Variants in SYNE2 observed in about 807,000 individuals in gnomAD.
SYNE2 encodes the protein nesprin-2.
In SYNE2, 431 loss-of-function variants were observed where a neutral mutation model predicts 856.3. The observed-to-expected ratio is 0.50, with a 90% CI of 0.47 to 0.55. The LOEUF (loss-of-function observed/expected upper bound fraction) is 0.55. Among genes scored for constraint, SYNE2 ranks in the 20% least tolerant of loss-of-function variants. The pLI, the probability that SYNE2 is intolerant of heterozygous loss-of-function variation, is 0.00. For synonymous variants in SYNE2, 2,923 were observed against 2,872.3 expected (o/e 1.02, Z -0.56); for missense variants, 8,129 against 8,023.2 (o/e 1.01, Z -0.50).
At position 63,784,395 on chromosome 14, in the gene SYNE2, G is replaced by A. The variant is rs188561543; in HGVS notation, c.-305+22409G>A. ...GCCTGTAGTCCCAGCTGGTCGGGAG[G>A]CTGAGGCAGGAAAATCTCTTGAACC... On this transcript the variant is annotated intron_variant, in intron 1 of 23. Transcript: ENST00000674003. Among the ~76,000 whole-genome samples, 280 of 152,202 alleles carry A rather than the reference G, an allele frequency of 1.8e-3. 2 individuals carry two copies. Among genetic ancestry groups the A allele is most frequent in the South Asian group, 0.011 (51 of 4,812 alleles).
chr14:63,824,018 T>TA lies in SYNE2; in HGVS notation c.-304-28477dup, dbSNP rs1320992773. Among the ~76,000 whole-genome samples, 7 of 152,230 alleles carry TA rather than the reference T, an allele frequency of 4.6e-5. No individual in the cohort carries two copies. In the South Asian group the frequency reaches 1.2e-3, roughly 27 times the overall value. ...TGCTAGCACAACAGGGTGATTATGG[T>TA]AAAAAATTAATTTAATTGTCCATTT... is the stretch of plus-strand genomic sequence containing the variant. On this transcript the variant is annotated intron_variant, in intron 1 of 23. Transcript: ENST00000674003.
chr14:63,995,697 G>A (rs1322131912), intron 23 of SYNE2, among the ~76,000 whole-genome samples: 1 of 151,326 alleles, frequency 6.6e-6, no homozygotes, highest in Admixed American at 6.6e-5. Context: ...CCCACTGTCA[G>A]TCTCTCTTGC....
chr14:64,067,098 T>G (rs1465901684), intron 51 of SYNE2, among the ~76,000 whole-genome samples: 3 of 152,248 alleles, frequency 2.0e-5, no homozygotes, highest in African/African-American at 7.2e-5. Flanking sequence ...TACAATTATG[T>G]GTTATTAATT....
At chr14:63,924,862 T>TTTTTTTTTTTTTTTTC (rs1595671080) in intron 2 of SYNE2, among the ~76,000 whole-genome samples, 1 of 140,148 alleles carries the variant, frequency 7.1e-6, no homozygotes. Context: ...TTTTTTTTTT[T>TTTTTTTTTTTTTTTTC]TGCCTTACTC....
chr14:64,117,458 C>A (rs2097861176), intron 66 of SYNE2, among the ~76,000 whole-genome samples: 1 of 151,956 alleles, frequency 6.6e-6, no homozygotes, highest in Non-Finnish European at 1.5e-5. Context: ...CACCACCATG[C>A]CTGGCTAATT....
Position 64,079,816 on chromosome 14 carries a change from C to G in SYNE2, c.11164-640C>G, listed in dbSNP as rs367905916. On this transcript the variant is annotated intron_variant, in intron 55 of 115. Transcript: ENST00000555002. ...CTTGACCTCCCTGGCTCAATTGATC[C>G]TCCCACCTCAGTCTCCCAAGTAGAT... is the stretch of plus-strand genomic sequence containing the variant. Among the ~76,000 whole-genome samples, 42 of 152,176 alleles carry G rather than the reference C, an allele frequency of 2.8e-4. 2 individuals are homozygous for G. In the East Asian group the frequency reaches 4.1e-3, roughly 15 times the overall value.
intron 51 of SYNE2, among the ~76,000 whole-genome samples, chr14:64,067,204 A>T (rs1299542914): frequency 1.3e-5 from 2 of 152,242 alleles, no homozygotes; most frequent in Non-Finnish European, 2.9e-5. Flanking sequence ...CAAGCAAAAA[A>T]AAAATGCTTC....
chr14:64,144,558 A>G (rs556880376), intron 83 of SYNE2, among the ~76,000 whole-genome samples: 13 of 152,244 alleles, frequency 8.5e-5, no homozygotes, highest in African/African-American at 2.4e-4. Context: ...ACATGGAAAG[A>G]TATCATTAGC....
chr14:64,109,056 T>G (rs2097789030), intron 65 of SYNE2, among the ~76,000 whole-genome samples: 1 of 151,984 alleles, frequency 6.6e-6, no homozygotes, highest in Non-Finnish European at 1.5e-5. Flanking sequence ...TTGTATTTTT[T>G]CAGACACACA....
At chr14:64,214,598 C>T (rs1000650529) in intron 106 of SYNE2, 128 bp downstream of exon 106, 2 of 916,428 alleles carry the variant, frequency 2.2e-6, no homozygotes, top group Non-Finnish European at 1.7e-6. Context: ...CTGTGGTTTC[C>T]TGTGCTCTAT....
intron 74 of SYNE2, among the ~76,000 whole-genome samples, chr14:64,129,475 T>A (rs1221135197): frequency 6.6e-6 from 1 of 152,176 alleles, no homozygotes; most frequent in Non-Finnish European, 1.5e-5. Flanking sequence ...GAGCTAGATA[T>A]GTGTATACCA....
Position 64,219,104 on chromosome 14 carries a change from G to GTTTTTTTGTT in SYNE2, c.19658-97_19658-96insGTTTTTTTTT, listed in dbSNP as rs772906156. The GTTTTTTTGTT allele has an allele frequency of 4.4e-5, 18 of 409,050 alleles. No individual in the cohort carries two copies. In the East Asian group the frequency reaches 8.7e-4, roughly 20 times the overall value. The allele number at this position is 409,050 out of a possible 1,614,324, so 25.3% of individuals were successfully genotyped here. Reference sequence around the variant, plus strand: ...CAGGGGAATCCCCTACAGTTTTTTTGTTTTTTTTTTTTTTTTTTTTAACCA... The same window carrying GTTTTTTTGTT: ...CAGGGGAATCCCCTACAGTTTTTTTGTTTTTTTGTTTTTTTTTTTTTTTTTTTTTTAACCA... On this transcript the variant is annotated intron_variant, in intron 109 of 115. Transcript: ENST00000555002.
intron 1 of SYNE2, among the ~76,000 whole-genome samples, chr14:63,822,212 A>G (rs1272324038): frequency 6.6e-6 from 1 of 152,082 alleles, no homozygotes; most frequent in African/African-American, 2.4e-5. Context: ...AAGCAAAAAC[A>G]AAAAAAGCAA....
chr14:63,853,541 G>C (rs550881388), intron 1 of SYNE2, among the ~76,000 whole-genome samples: 1 of 151,664 alleles, frequency 6.6e-6, no homozygotes, highest in Admixed American at 6.6e-5. Flanking sequence ...CCCGGCCCTC[G>C]GGGGCCGCTG....
chr14:63,990,396 A>C lies in SYNE2; in HGVS notation c.2314-15A>C, dbSNP rs1422528873. 8 of 1,611,048 alleles carry C rather than the reference A, an allele frequency of 5.0e-6. 1 individual carries two copies. The South Asian group carries it at 8.8e-5, about 18-fold the overall frequency. On this transcript the variant is annotated splice_polypyrimidine_tract_variant and intron_variant, in intron 19 of 115. Transcript: ENST00000555002. ...AGAATGTTTATTGTGATCTCACTTCAATTTGTTTTAATAGCATCTTATTGC... is the reference window on the plus strand; with the variant it reads ...AGAATGTTTATTGTGATCTCACTTCCATTTGTTTTAATAGCATCTTATTGC...
chr14:64,078,653 A>G, intron 55 of SYNE2, 47 bp downstream of exon 55: 2 of 1,606,732 alleles, frequency 1.2e-6, no homozygotes, highest in Non-Finnish European at 1.7e-6. Flanking sequence ...CTTCTGACCC[A>G]CTCCTGCCTT....
intron 1 of SYNE2, among the ~76,000 whole-genome samples, chr14:63,837,518 T>G (rs1012613226): frequency 6.6e-6 from 1 of 152,132 alleles, no homozygotes; most frequent in Non-Finnish European, 1.5e-5. Flanking sequence ...CACACAGAAT[T>G]GGAGAAAATA....
rs2097456505 is a variant in SYNE2, at chr14:64,076,117, T to C, written c.11022+17T>C. 2 of 1,611,210 alleles carry C rather than the reference T, an allele frequency of 1.2e-6. No homozygotes were observed. Among genetic ancestry groups the C allele is most frequent in the Admixed American group, 1.7e-5 (1 of 59,956 alleles). ...GATGAGAAGGTAATAATAATGTCTG[T>C]ACTACTGTTATTATTTACGGAGCTG... On this transcript the variant is annotated intron_variant, in intron 54 of 115. Coordinates refer to ENST00000555002, the MANE Select transcript of SYNE2 (RefSeq NM_182914.3).
chr14:63,986,257 G>C (rs1394967234), intron 18 of SYNE2, among the ~76,000 whole-genome samples, 199 bp from the exon 19 acceptor site: 1 of 152,076 alleles, frequency 6.6e-6, no homozygotes, highest in African/African-American at 2.4e-5. Flanking sequence ...GCACCATTAT[G>C]CCCAGCTAAC....
Sources: allele counts gnomAD v4.1 joint callset (sites outside exome capture counted in the v4.1 genomes callset), GRCh38; gene constraint gnomAD v4.1.1; transcripts MANE v1.5; gene names NCBI Gene and HGNC (gene_info 2026-07-23, HGNC 2026-07-21).